The following NSUN4 variants were observed in gnomAD, a reference collection of about 807,000 sequenced individuals.
NSUN4 encodes NOP2/Sun RNA methyltransferase 4.
Under a neutral mutation model 43.8 loss-of-function variants are expected in NSUN4, and 31 were observed. The observed-to-expected ratio is 0.71, with a 90% CI of 0.53 to 0.96. The LOEUF (loss-of-function observed/expected upper bound fraction) is 0.96, where lower values mean the gene tolerates loss of function less well. Ranked by LOEUF, NSUN4 falls within the 40% of genes least tolerant of loss-of-function variation. The probability of loss-of-function intolerance (pLI) is 0.00; values close to 1 mark genes in which losing one functional copy is unlikely to be tolerated. For synonymous variants in NSUN4, 167 were observed against 184.1 expected (o/e 0.91, Z 0.75); for missense variants, 439 against 475.6 (o/e 0.92, Z 0.72).
rs1662377329 is a variant in NSUN4, at chr1:46,344,938, C to T, written c.231C>T (p.Val77=). 6.2e-7 allele frequency: 1 copy of T among 1,614,182 alleles called. No homozygotes were observed. Among genetic ancestry groups the T allele is most frequent in the Middle Eastern group, 1.6e-4 (1 of 6,062 alleles). The change falls in exon 2 of 6, where the codon GTC becomes GTT. Residue 77 remains valine (V), a synonymous_variant. Coordinates refer to ENST00000474844, the MANE Select transcript of NSUN4 (RefSeq NM_199044.4). The part of the protein sequence containing the change: ...LLSEQKYGAL[V]NNFAAWDHVS... ...CAGAGCAGAAGTATGGTGCACTGGT[C>T]AATAACTTTGCTGCCTGGGATCATG... is the stretch of plus-strand genomic sequence containing the variant.
the NSUN4 span, among the ~76,000 whole-genome samples, chr1:46,378,201 ATTT>A: frequency 7.2e-4 from 99 of 137,606 alleles, no homozygotes; most frequent in African/African-American, 8.1e-4. Flanking sequence ...CATAGCAGAG[ATTT>A]TTTTTTTTTT....
chr1:46,349,193 G>A (rs1404383996), intron 3 of NSUN4, among the ~76,000 whole-genome samples: 1 of 148,976 alleles, frequency 6.7e-6, no homozygotes, highest in Admixed American at 6.7e-5. Flanking sequence ...AGGCTGGAGT[G>A]CAGTGGCGTG....
At chr1:46,347,318 A>G (rs1662584708) in intron 3 of NSUN4, among the ~76,000 whole-genome samples, 1 of 152,124 alleles carries the variant, frequency 6.6e-6, no homozygotes, top group Admixed American at 6.5e-5. Context: ...CACTCCTGTA[A>G]TACCAGCTAC....
chr1:46,350,272 T>C (rs527327100), intron 3 of NSUN4, among the ~76,000 whole-genome samples: 1 of 152,138 alleles, frequency 6.6e-6, no homozygotes, highest in Non-Finnish European at 1.5e-5. Flanking sequence ...GACTCACGCC[T>C]GTAATCCCAG....
At chr1:46,374,289 CAAAA>C in the NSUN4 span, among the ~76,000 whole-genome samples, 58 of 42,906 alleles carry the variant, frequency 1.4e-3, no homozygotes, top group African/African-American at 5.4e-3. Flanking sequence ...TCTGTCTCAC[CAAAA>C]AAAAAAAAAA....
chr1:46,378,097 C>T, the NSUN4 span, among the ~76,000 whole-genome samples: 1 of 152,024 alleles, frequency 6.6e-6, no homozygotes, highest in East Asian at 1.9e-4. Flanking sequence ...CAGGGTCTCC[C>T]TATGTTGCCC....
At chr1:46,341,965 C>T in intron 1 of NSUN4, 1 of 1,232,592 alleles carries the variant, frequency 8.1e-7, no homozygotes, top group Admixed American at 4.2e-5. Context: ...GCTCATCAGT[C>T]CCCGGGAACG....
chr1:46,375,328 G>A, the NSUN4 span, among the ~76,000 whole-genome samples: 2 of 151,746 alleles, frequency 1.3e-5, no homozygotes, highest in African/African-American at 2.4e-5. Flanking sequence ...CCAGCTACTC[G>A]GGAAGCTGAG....
chr1:46,370,755 T>A, the NSUN4 span: 1 of 152,240 alleles, frequency 6.6e-6, no homozygotes, highest in Non-Finnish European at 1.5e-5. Context: ...GGGAATGAGT[T>A]TAAGCATTCT....
At chr1:46,384,767 G>A in the NSUN4 span, among the ~76,000 whole-genome samples, 1 of 152,112 alleles carries the variant, frequency 6.6e-6, no homozygotes, top group Non-Finnish European at 1.5e-5. Flanking sequence ...CAGTCTTGGT[G>A]GTTAGCAGCA....
chr1:46,357,592 C>T (rs1156382632), intron 4 of NSUN4, among the ~76,000 whole-genome samples: 2 of 152,164 alleles, frequency 1.3e-5, no homozygotes, highest in East Asian at 1.9e-4. Context: ...AGGAGTCCAG[C>T]GGTCCTAAGT....
At chr1:46,375,591 G>A in the NSUN4 span, among the ~76,000 whole-genome samples, 2 of 151,718 alleles carry the variant, frequency 1.3e-5, no homozygotes, top group South Asian at 4.2e-4. Context: ...AACAAAATTA[G>A]CCAGGCGTGA....
At chr1:46,375,736 C>CAAAAAAAA in the NSUN4 span, among the ~76,000 whole-genome samples, 1 of 69,900 alleles carries the variant, frequency 1.4e-5, no homozygotes, top group Non-Finnish European at 2.4e-5. Context: ...GACTCTGTCT[C>CAAAAAAAA]AAAAAAAAAA....
chr1:46,356,014 C>CAA (rs56024628), intron 4 of NSUN4, among the ~76,000 whole-genome samples: 44 of 123,680 alleles, frequency 3.6e-4, no homozygotes, highest in African/African-American at 1.1e-3. Context: ...GACTTTGTCT[C>CAA]AAAAAAAAAA....
chr1:46,344,622 G>A (rs996113653), intron 1 of NSUN4, among the ~76,000 whole-genome samples, 179 bp from the exon 2 acceptor site: 1 of 152,092 alleles, frequency 6.6e-6, no homozygotes, highest in African/African-American at 2.4e-5. Context: ...CCTGGGATGG[G>A]AAGGCCCACT....
At chr1:46,378,338 C>T in the NSUN4 span, among the ~76,000 whole-genome samples, 1 of 152,070 alleles carries the variant, frequency 6.6e-6, no homozygotes, top group Non-Finnish European at 1.5e-5. Context: ...GCTGGGACTA[C>T]AGGTGTGTGT....
At chr1:46,376,712 A>ATGTGTGTG in the NSUN4 span, among the ~76,000 whole-genome samples, 3 of 148,284 alleles carry the variant, frequency 2.0e-5, no homozygotes, top group African/African-American at 7.5e-5. Context: ...TTTAGAGAGC[A>ATGTGTGTG]TGTGTGTGTG....
chr1:46,354,467 C>A (rs529960035), intron 4 of NSUN4, among the ~76,000 whole-genome samples: 2 of 152,176 alleles, frequency 1.3e-5, no homozygotes, highest in East Asian at 3.9e-4. Flanking sequence ...TTGTTTAGAA[C>A]ACATATTTCT....
the NSUN4 span, among the ~76,000 whole-genome samples, chr1:46,382,384 C>A: frequency 6.6e-6 from 1 of 152,176 alleles, no homozygotes; most frequent in African/African-American, 2.4e-5. Context: ...ACTTTTACGA[C>A]CCATTCCCAG....
Sources: gnomAD v4.1 joint callset for allele counts (sites outside exome capture counted in the v4.1 genomes callset) on GRCh38, gnomAD v4.1.1 for gene constraint, MANE v1.5 for transcripts, NCBI Gene and HGNC (gene_info 2026-07-23, HGNC 2026-07-21) for gene names.